Variants in RADX observed in about 807,000 individuals in gnomAD.
RADX encodes RPA1 related single stranded DNA binding protein, X-linked, also known as RPA-related protein RADX.
RADX carries 36 observed loss-of-function variants against 61.6 expected under a neutral mutation model. That is an observed-to-expected ratio of 0.58 (90% confidence interval 0.45 to 0.77). The LOEUF is 0.77. Ranked by LOEUF, RADX falls within the 30% of genes least tolerant of loss-of-function variation. RADX has a pLI of 0.00. For synonymous variants in RADX, 272 were observed against 237.9 expected (o/e 1.14, Z -1.32); for missense variants, 497 against 651.1 (o/e 0.76, Z 2.58).
intron 12 of RADX, among the ~76,000 whole-genome samples, chrX:106,662,555 T>C: frequency 9.1e-6 from 1 of 110,243 alleles, no homozygotes; most frequent in East Asian, 2.9e-4. Context: ...GGAATTTTCC[T>C]CATTCCTGAC....
At chrX:106,677,499 A>AT (rs751692847) in intron 13 of RADX, among the ~76,000 whole-genome samples, 2,002 of 91,629 alleles carry the variant, frequency 0.022, 13 homozygotes, top group Non-Finnish European at 0.03. Context: ...CACCTGATCC[A>AT]TTTTTTTTTT....
chrX:106,633,152 A>G lies in RADX; in HGVS notation c.1203A>G (p.Ser401=). The change falls in exon 6 of 14, where the codon TCA becomes TCG. Residue 401 remains serine (S), a synonymous_variant. Coordinates refer to ENST00000372548, the MANE Select transcript of RADX (RefSeq NM_018015.6). ...KKKENREDFW[S]YRWIHIADGT... is the part of the protein sequence containing the mutation. The stretch of plus-strand genomic sequence containing the variant: ...TAGAAAACCGTGAAGATTTTTGGTC[A>G]TATCGCTGGATTCACATTGCTGACG... The G allele has an allele frequency of 3.3e-6, 4 of 1,202,905 alleles. No individual in the cohort carries two copies. The highest frequency in any genetic ancestry group is 3.4e-6 in the Non-Finnish European group (3 of 887,731).
chrX:106,669,048 G>GT (rs781514138), intron 12 of RADX, 115 bp from the exon 13 acceptor site: 1 of 571,793 alleles, frequency 1.7e-6, no homozygotes. Flanking sequence ...TCAAACACAG[G>GT]TTTTTTCAGA....
At chrX:106,625,635 A>C (rs5917012) in intron 3 of RADX, among the ~76,000 whole-genome samples, 619 of 111,843 alleles carry the variant, frequency 5.5e-3, no homozygotes, top group Non-Finnish European at 8.7e-3. Flanking sequence ...AACTTCTGTT[A>C]ACTTTTTGAA....
intron 10 of RADX, among the ~76,000 whole-genome samples, chrX:106,645,707 G>A (rs2147627570): frequency 9.0e-6 from 1 of 111,373 alleles, no homozygotes. Flanking sequence ...ATGTGCTGAG[G>A]AAAAGAATGT....
chrX:106,612,283 C>T lies in RADX; in HGVS notation c.203C>T (p.Pro68Leu). Reference protein sequence around the residue: ...RQCVTPSEVVPVTVLAVQRYL... With the variant: ...RQCVTPSEVVLVTVLAVQRYL... Reference sequence around the variant, plus strand: ...TGTGTCACCCCCTCGGAGGTGGTGCCTGTAACTGTGCTGGCCGTCCAGAGG... The same window carrying T: ...TGTGTCACCCCCTCGGAGGTGGTGCTTGTAACTGTGCTGGCCGTCCAGAGG... The change falls in exon 1 of 14, where the codon CCT (proline) becomes CTT (leucine). Residue 68 changes from proline (P) to leucine (L), a missense_variant. Coordinates refer to ENST00000372548, the MANE Select transcript of RADX (RefSeq NM_018015.6). 8.3e-7 allele frequency: 1 copy of T among 1,211,467 alleles called. No individual in the cohort carries two copies. Among genetic ancestry groups the T allele is most frequent in the Non-Finnish European group, 1.1e-6 (1 of 895,417 alleles).
intron 12 of RADX, among the ~76,000 whole-genome samples, chrX:106,666,563 GAAAGAATTA>G (rs1355130387): frequency 8.9e-6 from 1 of 111,864 alleles, no homozygotes; most frequent in African/African-American, 3.2e-5. Context: ...ACCAAGGAGG[GAAAGAATTA>G]TATTGGTCTA....
chrX:106,621,924 GGTTT>G (rs1259758398), intron 1 of RADX, among the ~76,000 whole-genome samples: 8 of 97,022 alleles, frequency 8.2e-5, no homozygotes, highest in African/African-American at 3.5e-4. Flanking sequence ...ACAATTCTAT[GGTTT>G]TTTTTTTTTT....
intron 8 of RADX, 59 bp from the exon 9 acceptor site, chrX:106,639,468 T>C: frequency 1.1e-6 from 1 of 945,979 alleles, no homozygotes; most frequent in Non-Finnish European, 1.4e-6. Context: ...GCAAATCTAA[T>C]TCTTATTTTT....
At chrX:106,617,776 C>T (rs1926846949) in intron 1 of RADX, among the ~76,000 whole-genome samples, 3 of 111,454 alleles carry the variant, frequency 2.7e-5, no homozygotes, top group Non-Finnish European at 5.6e-5. Flanking sequence ...AACTTAAGTG[C>T]TTCCTTACTC....
chrX:106,627,506 A>C (rs1174855638), intron 3 of RADX, among the ~76,000 whole-genome samples: 1 of 111,246 alleles, frequency 9.0e-6, no homozygotes, highest in East Asian at 2.8e-4. Context: ...TTTGAAATAT[A>C]TAATACATTA....
intron 3 of RADX, among the ~76,000 whole-genome samples, chrX:106,625,947 A>G (rs1054185663): frequency 9.0e-6 from 1 of 111,373 alleles, no homozygotes; most frequent in African/African-American, 3.3e-5. Flanking sequence ...TCTGAGTACA[A>G]TTACCAAAAT....
chrX:106,649,911 C>T (rs1018167449), intron 11 of RADX, among the ~76,000 whole-genome samples: 1 of 110,953 alleles, frequency 9.0e-6, no homozygotes, highest in Non-Finnish European at 1.9e-5. Flanking sequence ...TGAAAAATCA[C>T]CAGGTGCCAG....
Position 106,640,453 on chromosome X carries a change from T to G in RADX, c.1735-99T>G, listed in dbSNP as rs939029714. 9 of 550,352 alleles carry G rather than the reference T, an allele frequency of 1.6e-5. No individual in the cohort carries two copies. In the African/African-American group the frequency reaches 1.9e-4, roughly 12 times the overall value. The allele number at this position is 550,352 out of a possible 1,213,427, so 45.4% of individuals were successfully genotyped here. ...GTTATGATTGAAGTTTTGCCAGAAC[T>G]GTTGATTATGAAAAATGAATACACT... is the stretch of plus-strand genomic sequence containing the variant. On this transcript the variant is annotated intron_variant, in intron 9 of 13. Coordinates refer to ENST00000372548, the MANE Select transcript of RADX (RefSeq NM_018015.6).
At chrX:106,617,020 G>GTTTTTTTTT (rs60413185) in intron 1 of RADX, among the ~76,000 whole-genome samples, 7 of 54,544 alleles carry the variant, frequency 1.3e-4, no homozygotes, top group Non-Finnish European at 1.6e-4. Context: ...GTGTGTGTGG[G>GTTTTTTTTT]TTTTTTTTTT....
intron 11 of RADX, among the ~76,000 whole-genome samples, chrX:106,659,251 G>T (rs1408580516): frequency 8.9e-6 from 1 of 111,960 alleles, no homozygotes; most frequent in Non-Finnish European, 1.9e-5. Context: ...GAAGTGCTGG[G>T]ATTACAGGCG....
At chrX:106,632,397 A>G (rs897853147) in intron 3 of RADX, among the ~76,000 whole-genome samples, 3 of 111,722 alleles carry the variant, frequency 2.7e-5, no homozygotes, top group Non-Finnish European at 5.6e-5. Flanking sequence ...TAAGTTAAAG[A>G]AATGATAGAA....
chrX:106,641,633 A>G (rs778987550), intron 10 of RADX, among the ~76,000 whole-genome samples: 31 of 111,436 alleles, frequency 2.8e-4, no homozygotes, highest in African/African-American at 1.0e-3. Flanking sequence ...TTAAGGCTTC[A>G]GAATTATTCT....
At chrX:106,612,820 A>G (rs1926712382) in intron 1 of RADX, 97 bp downstream of exon 1, 1 of 905,443 alleles carries the variant, frequency 1.1e-6, no homozygotes, top group Non-Finnish European at 1.5e-6. Context: ...TTGTATTGTT[A>G]ATTACAAGCC....
Sources: gnomAD v4.1 joint callset for allele counts (sites outside exome capture counted in the v4.1 genomes callset) on GRCh38, gnomAD v4.1.1 for gene constraint, MANE v1.5 for transcripts, NCBI Gene and HGNC (gene_info 2026-07-23, HGNC 2026-07-21) for gene names.